Variants in TRPC4 observed in about 807,000 individuals in gnomAD.
TRPC4 encodes short transient receptor potential channel 4.
Under a neutral mutation model 99.4 loss-of-function variants are expected in TRPC4, and 49 were observed. The observed-to-expected ratio is 0.49, with a 90% CI of 0.39 to 0.63. The LOEUF (loss-of-function observed/expected upper bound fraction) is 0.63, where lower values mean the gene tolerates loss of function less well. TRPC4 is among the 20% of genes least tolerant of loss of function. The probability of loss-of-function intolerance (pLI) is 0.00; values close to 1 mark genes in which losing one functional copy is unlikely to be tolerated. For missense variants in TRPC4, 898 were observed against 1,152.9 expected, an observed-to-expected ratio of 0.78 and a Z score of 3.20; for synonymous variants, 454 against 425.9, an observed-to-expected ratio of 1.07 and a Z score of -0.81.
chr13:37,779,160 T>G (rs1050424225), intron 2 of TRPC4, among the ~76,000 whole-genome samples: 3 of 152,014 alleles, frequency 2.0e-5, no homozygotes, highest in African/African-American at 7.2e-5. Context: ...CAGCTGAAAC[T>G]GAAATTAAAT....
rs373530369 is a variant in TRPC4 at position 37,695,732 on chromosome 13, T to C, written c.898-3397A>G. ...AAAAAGTTTGAAAAGTCTGATCTCA[T>C]TATTATTTATAGAATCACTGAGTCA... On this transcript the variant is annotated intron_variant, in intron 3 of 10. Transcript: ENST00000379705. 6.6e-4 allele frequency among the ~76,000 whole-genome samples: 101 copies of C among 152,348 alleles called. 1 individual carries two copies. Among genetic ancestry groups the C allele is most frequent in the African/African-American group, 2.4e-3 (99 of 41,584 alleles).
chr13:37,696,802 C>T (rs1953917645), intron 3 of TRPC4, among the ~76,000 whole-genome samples: 1 of 152,070 alleles, frequency 6.6e-6, no homozygotes, highest in South Asian at 2.1e-4. Flanking sequence ...GGAGTTATTT[C>T]CTCTGTCCAG....
At chr13:37,780,434 G>A (rs532251822) in intron 2 of TRPC4, among the ~76,000 whole-genome samples, 2 of 152,110 alleles carry the variant, frequency 1.3e-5, no homozygotes, top group African/African-American at 4.8e-5. Context: ...TAAAATGAAT[G>A]ATGACGTGTC....
intron 3 of TRPC4, among the ~76,000 whole-genome samples, chr13:37,706,893 C>T (rs1023189662): frequency 3.3e-5 from 5 of 152,078 alleles, no homozygotes; most frequent in African/African-American, 1.2e-4. Flanking sequence ...AAGGGCAAGA[C>T]CCAGAAGTGG....
chr13:37,704,922 A>G (rs543594860), intron 3 of TRPC4, among the ~76,000 whole-genome samples: 21 of 152,144 alleles, frequency 1.4e-4, no homozygotes, highest in Non-Finnish European at 2.1e-4. Context: ...GAACTACCAT[A>G]TGGTCCAGCA....
intron 5 of TRPC4, among the ~76,000 whole-genome samples, chr13:37,668,404 T>G (rs1566082458): frequency 6.6e-6 from 1 of 152,166 alleles, no homozygotes; most frequent in Non-Finnish European, 1.5e-5. Flanking sequence ...GCTTTATATA[T>G]GATAGGAACT....
intron 5 of TRPC4, among the ~76,000 whole-genome samples, chr13:37,668,322 G>A (rs1191709453): frequency 6.6e-6 from 1 of 152,036 alleles, no homozygotes; most frequent in Non-Finnish European, 1.5e-5. Flanking sequence ...AGGTACTTTT[G>A]GATTACTTGT....
Position 37,714,000 on chromosome 13 carries a change from T to G in TRPC4, c.898-21665A>C, listed in dbSNP as rs370763968. Reference sequence around the variant, plus strand: ...TCCACGACTTTTCCTGAATCCTCCATTTCTCTCTCTGCTTTTATTACTGCA... The same window carrying G: ...TCCACGACTTTTCCTGAATCCTCCAGTTCTCTCTCTGCTTTTATTACTGCA... On this transcript the variant is annotated intron_variant, in intron 3 of 10. Transcript: ENST00000379705. Among the ~76,000 whole-genome samples, 26 of 152,182 alleles carry G rather than the reference T, an allele frequency of 1.7e-4. 2 individuals are homozygous for G. The highest frequency in any genetic ancestry group is 6.3e-4 in the African/African-American group (26 of 41,552).
intron 7 of TRPC4, among the ~76,000 whole-genome samples, chr13:37,653,662 T>G (rs1026088563): frequency 1.3e-5 from 2 of 152,122 alleles, no homozygotes; most frequent in Non-Finnish European, 2.9e-5. Flanking sequence ...GATTCTTATC[T>G]CTGTAATGAA....
chr13:37,734,051 G>A (rs1022641179), intron 3 of TRPC4, among the ~76,000 whole-genome samples: 22 of 152,030 alleles, frequency 1.4e-4, no homozygotes, highest in African/African-American at 5.1e-4. Context: ...TAGAGGCCAC[G>A]GGTTTGGAAT....
intron 2 of TRPC4, among the ~76,000 whole-genome samples, chr13:37,770,729 C>T (rs894419498): frequency 6.6e-6 from 1 of 151,484 alleles, no homozygotes; most frequent in Non-Finnish European, 1.5e-5. Flanking sequence ...ATCGAATACA[C>T]ATTTTTAAAG....
intron 1 of TRPC4, among the ~76,000 whole-genome samples, chr13:37,845,827 G>T (rs1179004852): frequency 1.3e-5 from 2 of 152,010 alleles, no homozygotes; most frequent in East Asian, 3.8e-4. Context: ...TCAGTCACAG[G>T]TTGCCAATCA....
chr13:37,745,913 T>C (rs1955761987), intron 3 of TRPC4, 24 bp downstream of exon 3: 4 of 1,588,728 alleles, frequency 2.5e-6, no homozygotes, highest in African/African-American at 1.3e-5. Flanking sequence ...GGCATTTTGA[T>C]GGATCAAGTC....
At chr13:37,677,987 C>T (rs142220041) in intron 4 of TRPC4, among the ~76,000 whole-genome samples, 1 of 152,166 alleles carries the variant, frequency 6.6e-6, no homozygotes, top group Non-Finnish European at 1.5e-5. Flanking sequence ...TAGAAAATCC[C>T]CAAATATTTT....
chr13:37,723,596 A>T (rs759019022), intron 3 of TRPC4, among the ~76,000 whole-genome samples: 5 of 152,120 alleles, frequency 3.3e-5, no homozygotes, highest in Non-Finnish European at 7.4e-5. Flanking sequence ...TGTTGCCCAG[A>T]TGGAGTACAG....
At chr13:37,830,660 C>T (rs569214102) in intron 1 of TRPC4, among the ~76,000 whole-genome samples, 40 of 150,858 alleles carry the variant, frequency 2.7e-4, no homozygotes, top group Non-Finnish European at 5.3e-4. Context: ...GGCAGTGAGC[C>T]GAGATCATGC....
At chr13:37,812,053 C>T (rs1957703984) in intron 1 of TRPC4, among the ~76,000 whole-genome samples, 1 of 151,002 alleles carries the variant, frequency 6.6e-6, no homozygotes, top group African/African-American at 2.4e-5. Context: ...GTAGTTGGGA[C>T]CTGTAGTCCC....
At chr13:37,744,139 G>A (rs1482006850) in intron 3 of TRPC4, among the ~76,000 whole-genome samples, 2 of 152,050 alleles carry the variant, frequency 1.3e-5, no homozygotes, top group Non-Finnish European at 2.9e-5. Flanking sequence ...TGCAATCATC[G>A]TGTCGATTCT....
intron 1 of TRPC4, among the ~76,000 whole-genome samples, chr13:37,851,936 A>C (rs1367555058): frequency 6.6e-6 from 1 of 152,218 alleles, no homozygotes; most frequent in Admixed American, 6.5e-5. Context: ...CAGAGGGAGC[A>C]TTTGAACTAG....
Sources: allele counts gnomAD v4.1 joint callset (sites outside exome capture counted in the v4.1 genomes callset), GRCh38; gene constraint gnomAD v4.1.1; transcripts MANE v1.5; gene names NCBI Gene and HGNC (gene_info 2026-07-23, HGNC 2026-07-21).